The following CTBP2 variants were observed in gnomAD, a reference collection of about 807,000 sequenced individuals.
The protein encoded by CTBP2 is C-terminal binding protein 2.
CTBP2 carries 30 observed loss-of-function variants against 80.3 expected under a neutral mutation model. The ratio of observed to expected loss-of-function variants is 0.37; its 90% CI spans 0.28 to 0.51. The LOEUF (loss-of-function observed/expected upper bound fraction) is 0.51, where lower values mean the gene tolerates loss of function less well. Among genes scored for constraint, CTBP2 ranks in the 20% least tolerant of loss-of-function variants. The pLI, the probability that CTBP2 is intolerant of heterozygous loss-of-function variation, is 0.93. For synonymous variants in CTBP2, 594 were observed against 587.4 expected, an observed-to-expected ratio of 1.01 and a Z score of -0.16; for missense variants, 1,212 against 1,375.3, an observed-to-expected ratio of 0.88 and a Z score of 1.88.
intron 1 of CTBP2, among the ~76,000 whole-genome samples, chr10:125,130,070 A>G (rs1317291739): frequency 6.7e-6 from 1 of 148,266 alleles, no homozygotes; most frequent in Non-Finnish European, 1.5e-5. Context: ...CTTTTGAGAC[A>G]GAGTTTCACT....
intron 1 of CTBP2, chr10:125,159,778 C>G (rs895309562): frequency 3.3e-5 from 5 of 149,886 alleles, no homozygotes; most frequent in African/African-American, 1.2e-4. Context: ...TCCTGTTCCC[C>G]GGAGATCCGG....
rs1178287335 is a variant in CTBP2, at chr10:125,058,887, C to T, written c.-101-19732G>A. On this transcript the variant is annotated intron_variant, in intron 2 of 10. Coordinates refer to the CTBP2 transcript ENST00000337195. ...CCAGCCTGGGCGACAGGGTGAGACT[C>T]TGTCTCAAAATAAAAAGGCACAGAG... Among the ~76,000 whole-genome samples, 6 of 152,218 alleles carry T rather than the reference C, an allele frequency of 3.9e-5. No individual in the cohort carries two copies. In the East Asian group the frequency reaches 1.2e-3, roughly 29 times the overall value.
At position 124,986,188 on chromosome 10, in the gene CTBP2, A is replaced by C. The variant is rs772873796; in HGVS notation, c.*3330T>G. On this transcript the variant is annotated 3_prime_UTR_variant, in exon 9 of 9. Transcript: ENST00000309035. ...ATTCAATACTGGGTAAAAATTTCAG[A>C]CCTATCTCAGGAACACAGAAATATT... 6.6e-6 allele frequency: 1 copy of C among 152,482 alleles called. No individual in the cohort carries two copies. Among genetic ancestry groups the C allele is most frequent in the African/African-American group, 2.4e-5 (1 of 41,374 alleles). 9.4% of individuals were successfully genotyped at this position (152,482 alleles called of 1,614,324 possible).
chr10:125,024,775 A>T (rs1026037886), intron 1 of CTBP2, among the ~76,000 whole-genome samples: 1 of 152,248 alleles, frequency 6.6e-6, no homozygotes, highest in Non-Finnish European at 1.5e-5. Flanking sequence ...TGACTGAGAG[A>T]GCAGGCACAG....
At position 125,027,287 on chromosome 10, in the gene CTBP2, AG is replaced by A. The variant is rs1233827176; in HGVS notation, c.472del (p.Leu158CysfsTer15). The A allele has an allele frequency of 5.6e-6, 9 of 1,613,634 alleles. No individual in the cohort carries two copies. The highest frequency in any genetic ancestry group is 7.6e-6 in the Non-Finnish European group (9 of 1,179,978). ...CCGGTACAGGTGACCGGCGTCCTGC[AG>A]GGCAGGTGACCGGCCTTGCATTGGA... On this transcript the variant is annotated frameshift_variant, in exon 1 of 9. Transcript: ENST00000309035. LOFTEE classifies it high-confidence loss of function.
intron 2 of CTBP2, among the ~76,000 whole-genome samples, chr10:125,056,560 G>A (rs1442951998): frequency 2.0e-5 from 3 of 152,206 alleles, no homozygotes; most frequent in Non-Finnish European, 4.4e-5. Flanking sequence ...AGCGGCCCAG[G>A]AGTCAGGGTC....
chr10:125,069,073 G>A (rs924251469), intron 2 of CTBP2, among the ~76,000 whole-genome samples: 1 of 152,092 alleles, frequency 6.6e-6, no homozygotes, highest in African/African-American at 2.4e-5. Context: ...CCCACCACTA[G>A]CCAAACAGTC....
intron 3 of CTBP2, among the ~76,000 whole-genome samples, chr10:125,033,968 G>A (rs1370369964): frequency 6.6e-6 from 1 of 152,064 alleles, no homozygotes. Context: ...ACTAGAAGAC[G>A]GTGATGAACC....
At chr10:125,033,860 A>G (rs982233273) in intron 3 of CTBP2, among the ~76,000 whole-genome samples, 1 of 152,068 alleles carries the variant, frequency 6.6e-6, no homozygotes, top group Non-Finnish European at 1.5e-5. Flanking sequence ...TTTCAACTCA[A>G]TCATCGATGG....
intron 2 of CTBP2, among the ~76,000 whole-genome samples, chr10:125,092,627 A>G (rs956745465): frequency 6.6e-6 from 1 of 152,194 alleles, no homozygotes; most frequent in African/African-American, 2.4e-5. Context: ...CTCATCCTAC[A>G]GGGTTAGTTC....
chr10:125,005,671 C>G (rs772861804), intron 1 of CTBP2: 1 of 1,612,944 alleles, frequency 6.2e-7, no homozygotes, highest in East Asian at 2.2e-5. Context: ...ATGGCTCCCA[C>G]CTGGGCTCCT....
chr10:125,047,633 T>C (rs571347629), intron 2 of CTBP2, among the ~76,000 whole-genome samples: 1 of 152,252 alleles, frequency 6.6e-6, no homozygotes, highest in Non-Finnish European at 1.5e-5. Context: ...GGTTATATGC[T>C]AAACCTATGC....
At chr10:125,102,184 G>T (rs540561686) in intron 2 of CTBP2, among the ~76,000 whole-genome samples, 1 of 152,316 alleles carries the variant, frequency 6.6e-6, no homozygotes, top group Admixed American at 6.5e-5. Flanking sequence ...GGCATAGTTT[G>T]TCCAAGGTCA....
At chr10:125,160,293 C>T (rs1022159659) in intron 1 of CTBP2, 26 bp downstream of exon 1, 5 of 152,132 alleles carry the variant, frequency 3.3e-5, no homozygotes, top group Admixed American at 2.0e-4. Context: ...GCGGCGGCCC[C>T]AGCCCTCCCC....
At chr10:125,038,906 G>T in intron 3 of CTBP2, 91 bp downstream of exon 3, 1 of 1,271,474 alleles carries the variant, frequency 7.9e-7, no homozygotes, top group Non-Finnish European at 1.1e-6. Context: ...TCTGGCTTGG[G>T]GAGTGGCACA....
chr10:124,994,309 G>C (rs1313657270), intron 5 of CTBP2, among the ~76,000 whole-genome samples, 160 bp downstream of exon 7: 1 of 152,206 alleles, frequency 6.6e-6, no homozygotes, highest in African/African-American at 2.4e-5. Flanking sequence ...CCCGAGGAAG[G>C]GGCTTCACGT....
At chr10:125,092,642 G>C (rs976064532) in intron 2 of CTBP2, among the ~76,000 whole-genome samples, 1 of 152,210 alleles carries the variant, frequency 6.6e-6, no homozygotes, top group Non-Finnish European at 1.5e-5. Flanking sequence ...TAGTTCCATA[G>C]TAGCAAGTCA....
chr10:124,991,231 GCATCTCACTATGGTAGC>G (rs1176846760), intron 8 of CTBP2, among the ~76,000 whole-genome samples: 21 of 152,348 alleles, frequency 1.4e-4, no homozygotes, highest in Admixed American at 1.3e-3. Flanking sequence ...AGAGGAGGAG[GCATCTCACTATGGTAGC>G]CACCCCACCC....
At chr10:125,006,160 C>T (rs539554577) in intron 1 of CTBP2, 2 of 414,472 alleles carry the variant, frequency 4.8e-6, no homozygotes, top group Admixed American at 9.8e-5. Flanking sequence ...TGGCCGGGCA[C>T]GCAGAACGTG....
Sources: allele counts gnomAD v4.1 joint callset (sites outside exome capture counted in the v4.1 genomes callset), GRCh38; gene constraint gnomAD v4.1.1; transcripts MANE v1.5; gene names NCBI Gene and HGNC (gene_info 2026-07-23, HGNC 2026-07-21).